The following CNTN5 variants were observed in gnomAD, a reference collection of about 807,000 sequenced individuals.
CNTN5 encodes the protein contactin-5.
Under a neutral mutation model 129.1 loss-of-function variants are expected in CNTN5, and 77 were observed. The ratio of observed to expected loss-of-function variants is 0.60; its 90% CI spans 0.50 to 0.72. The LOEUF (loss-of-function observed/expected upper bound fraction) is 0.72. Ranked by LOEUF, CNTN5 falls within the 30% of genes least tolerant of loss-of-function variation. The probability of loss-of-function intolerance (pLI) is 0.00; values close to 1 mark genes in which losing one functional copy is unlikely to be tolerated. For missense variants in CNTN5, 1,478 were observed against 1,328.8 expected, an observed-to-expected ratio of 1.11 and a Z score of -1.75; for synonymous variants, 509 against 465.6, an observed-to-expected ratio of 1.09 and a Z score of -1.20.
At chr11:100,130,965 T>C (rs1036937033) in intron 13 of CNTN5, among the ~76,000 whole-genome samples, 1 of 152,144 alleles carries the variant, frequency 6.6e-6, no homozygotes, top group Non-Finnish European at 1.5e-5. Context: ...TAGAATTGTA[T>C]GCTGTTGATC....
intron 1 of CNTN5, among the ~76,000 whole-genome samples, chr11:99,050,835 T>A (rs1200242846): frequency 1.3e-5 from 2 of 151,934 alleles, no homozygotes; most frequent in East Asian, 3.9e-4. Flanking sequence ...ATTTAAGATG[T>A]TAATCACAGC....
intron 1 of CNTN5, among the ~76,000 whole-genome samples, chr11:99,033,643 G>A (rs1183407334): frequency 6.6e-6 from 1 of 150,540 alleles, no homozygotes; most frequent in East Asian, 1.9e-4. Context: ...TGCTGAAGTT[G>A]CTTATCAGCT....
At chr11:100,028,580 G>T (rs1353263533) in intron 9 of CNTN5, among the ~76,000 whole-genome samples, 1 of 152,082 alleles carries the variant, frequency 6.6e-6, no homozygotes, top group Admixed American at 6.5e-5. Flanking sequence ...TTTCTGAAAC[G>T]CCATCCAAGA....
intron 13 of CNTN5, among the ~76,000 whole-genome samples, chr11:100,148,578 G>A (rs1341839222): frequency 6.6e-6 from 1 of 152,154 alleles, no homozygotes; most frequent in Non-Finnish European, 1.5e-5. Flanking sequence ...GTATTTGTGT[G>A]AGTCGTTTTT....
At chr11:99,911,280 G>A (rs977888083) in intron 6 of CNTN5, among the ~76,000 whole-genome samples, 5 of 151,948 alleles carry the variant, frequency 3.3e-5, no homozygotes, top group Non-Finnish European at 5.9e-5. Context: ...AGCACTGATA[G>A]TCTAAAACTC....
At chr11:99,776,373 C>T (rs1026871385) in intron 3 of CNTN5, among the ~76,000 whole-genome samples, 3 of 151,852 alleles carry the variant, frequency 2.0e-5, no homozygotes, top group Non-Finnish European at 4.4e-5. Context: ...AAAATTAATA[C>T]CCAATTTCAA....
In CNTN5 at chr11:99,070,073, C is replaced by G. The variant is rs558689890; in HGVS notation, c.-210+48803C>G. Among the ~76,000 whole-genome samples, 13 of 152,300 alleles carry G rather than the reference C, an allele frequency of 8.5e-5. 2 individuals carry two copies. The South Asian group carries it at 2.3e-3, about 27-fold the overall frequency. On this transcript the variant is annotated intron_variant, in intron 1 of 24. Coordinates refer to ENST00000524871, the MANE Select transcript of CNTN5 (RefSeq NM_014361.4). The stretch of plus-strand genomic sequence containing the variant: ...CACAGCTGGTGAGCTGGCTTCCTGA[C>G]GACCACTTAGTCCGCACTGGTATGA...
intron 2 of CNTN5, among the ~76,000 whole-genome samples, chr11:99,533,701 A>G (rs7104245): frequency 0.34 from 51,360 of 152,104 alleles, 8,989 homozygotes; most frequent in Non-Finnish European, 0.39. Context: ...CCCAATGCCT[A>G]AAGGTTGGAA....
intron 13 of CNTN5, among the ~76,000 whole-genome samples, chr11:100,149,437 A>G (rs536843732): frequency 1.3e-5 from 2 of 152,364 alleles, no homozygotes; most frequent in East Asian, 3.9e-4. Flanking sequence ...AAGATGAAAT[A>G]TCTGACACCA....
chr11:99,138,246 T>A (rs1158761228), intron 1 of CNTN5, among the ~76,000 whole-genome samples: 2 of 152,182 alleles, frequency 1.3e-5, no homozygotes, highest in East Asian at 1.9e-4. Flanking sequence ...TTAGCATTTT[T>A]AAAATTTAAC....
chr11:99,739,978 C>T (rs1398935987), intron 3 of CNTN5, among the ~76,000 whole-genome samples: 1 of 152,080 alleles, frequency 6.6e-6, no homozygotes, highest in African/African-American at 2.4e-5. Context: ...TTGGCAAGTG[C>T]TATTTCCCCT....
At chr11:99,173,986 G>A (rs943794089) in intron 1 of CNTN5, among the ~76,000 whole-genome samples, 2 of 144,276 alleles carry the variant, frequency 1.4e-5, no homozygotes, top group African/African-American at 2.6e-5. Flanking sequence ...GAAAGAAGAA[G>A]CGTCAAAAAT....
intron 3 of CNTN5, among the ~76,000 whole-genome samples, chr11:99,728,550 C>T (rs10893802): frequency 0.61 from 92,474 of 151,984 alleles, 28,615 homozygotes; most frequent in East Asian, 0.83. Flanking sequence ...AAATAGATAA[C>T]GATCTGCTGT....
intron 15 of CNTN5, among the ~76,000 whole-genome samples, chr11:100,214,970 T>TG (rs1292127688): frequency 6.6e-6 from 1 of 151,846 alleles, no homozygotes; most frequent in African/African-American, 2.4e-5. Flanking sequence ...GCTCAGGGGG[T>TG]GCTATATGCC....
intron 13 of CNTN5, among the ~76,000 whole-genome samples, chr11:100,128,187 C>T (rs941961769): frequency 9.2e-5 from 14 of 151,966 alleles, no homozygotes; most frequent in Admixed American, 8.5e-4. Flanking sequence ...TTTTACGTAC[C>T]CAAACCTGAA....
At chr11:99,669,041 C>CGT in intron 3 of CNTN5, among the ~76,000 whole-genome samples, 1 of 152,130 alleles carries the variant, frequency 6.6e-6, no homozygotes, top group African/African-American at 2.4e-5. Flanking sequence ...TTGATGCACG[C>CGT]GTGGATATTT....
chr11:100,296,272 G>A lies in CNTN5; in HGVS notation c.2315-1353G>A, dbSNP rs186910836. On this transcript the variant is annotated intron_variant, in intron 18 of 24. Coordinates refer to ENST00000524871, the MANE Select transcript of CNTN5 (RefSeq NM_014361.4). ...TGGCAACAACTATGACTACTAATAC[G>A]TAACTCAATAAATGATTTGTTTGCT... Among the ~76,000 whole-genome samples the A allele has an allele frequency of 1.0e-3, 153 of 151,562 alleles. 4 individuals carry two copies. In the East Asian group the frequency reaches 0.012, roughly 12 times the overall value.
At chr11:100,219,413 T>G (rs748973211) in intron 15 of CNTN5, among the ~76,000 whole-genome samples, 28 of 152,208 alleles carry the variant, frequency 1.8e-4, no homozygotes, top group Non-Finnish European at 3.7e-4. Context: ...AAACATGAGA[T>G]TGATAAATTA....
At chr11:99,909,732 G>T (rs952059237) in intron 6 of CNTN5, among the ~76,000 whole-genome samples, 2 of 151,616 alleles carry the variant, frequency 1.3e-5, no homozygotes, top group African/African-American at 4.8e-5. Context: ...AACATCGCAT[G>T]TTCTCACTCA....
Sources: allele counts gnomAD v4.1 joint callset (sites outside exome capture counted in the v4.1 genomes callset), GRCh38; gene constraint gnomAD v4.1.1; transcripts MANE v1.5; gene names NCBI Gene and HGNC (gene_info 2026-07-23, HGNC 2026-07-21).